Variants in RERE observed in about 807,000 individuals in gnomAD.
RERE encodes the protein arginine-glutamic acid dipeptide repeats protein.
In RERE, 40 loss-of-function variants were observed where a neutral mutation model predicts 146.1. The observed-to-expected ratio is 0.27, with a 90% CI of 0.21 to 0.36. The LOEUF (loss-of-function observed/expected upper bound fraction) is 0.36, where lower values mean the gene tolerates loss of function less well. Ranked by LOEUF, RERE falls within the 10% of genes least tolerant of loss-of-function variation. The pLI is 1.00. For missense variants in RERE, 1,933 were observed against 2,138.7 expected (o/e 0.90, Z 1.90); for synonymous variants, 1,003 against 866.0 (o/e 1.16, Z -2.78).
intron 1 of RERE, among the ~76,000 whole-genome samples, chr1:8,777,165 A>G (rs1288832865): frequency 6.6e-6 from 1 of 152,226 alleles, no homozygotes; most frequent in Non-Finnish European, 1.5e-5. Flanking sequence ...GAAAGTTATC[A>G]ATATTTTATC....
intron 3 of RERE, among the ~76,000 whole-genome samples, chr1:8,621,963 A>C (rs1296164447): frequency 6.6e-6 from 1 of 152,262 alleles, no homozygotes. Flanking sequence ...CTTACACAAC[A>C]ACTATGAGGA....
chr1:8,716,557 C>A (rs577037730), intron 1 of RERE, among the ~76,000 whole-genome samples: 1 of 151,946 alleles, frequency 6.6e-6, no homozygotes, highest in Non-Finnish European at 1.5e-5. Context: ...AAAGTTCAAA[C>A]AGTTTGCCTC....
chr1:8,608,978 G>A (rs1646756869), intron 4 of RERE, among the ~76,000 whole-genome samples: 1 of 152,088 alleles, frequency 6.6e-6, no homozygotes, highest in Non-Finnish European at 1.5e-5. Flanking sequence ...CAGCACTTTG[G>A]GAGGCCGAGG....
intron 1 of RERE, among the ~76,000 whole-genome samples, chr1:8,791,353 GT>G (rs1288924588): frequency 1.3e-5 from 2 of 152,134 alleles, no homozygotes; most frequent in Non-Finnish European, 2.9e-5. Context: ...TTTTAGTGGG[GT>G]TTTTTTCATA....
At chr1:8,737,569 G>C (rs1640225874) in intron 1 of RERE, among the ~76,000 whole-genome samples, 1 of 151,458 alleles carries the variant, frequency 6.6e-6, no homozygotes, top group African/African-American at 2.4e-5. Flanking sequence ...CTCTATCAAT[G>C]TTCAGGAAGC....
chr1:8,613,282 C>G (rs1269270908), intron 4 of RERE, among the ~76,000 whole-genome samples: 3 of 152,222 alleles, frequency 2.0e-5, no homozygotes, highest in African/African-American at 7.2e-5. Flanking sequence ...TGAAGATCCT[C>G]TATAATCTAG....
At chr1:8,686,628 T>C (rs1570608117) in intron 1 of RERE, among the ~76,000 whole-genome samples, 1 of 152,106 alleles carries the variant, frequency 6.6e-6, no homozygotes, top group South Asian at 2.1e-4. Context: ...TGGGTGCCTG[T>C]AATCTCAGCT....
intron 1 of RERE, among the ~76,000 whole-genome samples, chr1:8,815,879 G>T (rs1409132647): frequency 6.6e-6 from 1 of 151,166 alleles, no homozygotes; most frequent in African/African-American, 2.4e-5. Flanking sequence ...GTGTCTGTCT[G>T]CCTCTGCCTC....
chr1:8,796,951 G>A (rs536278020), intron 1 of RERE, among the ~76,000 whole-genome samples: 1 of 152,060 alleles, frequency 6.6e-6, no homozygotes, highest in Non-Finnish European at 1.5e-5. Flanking sequence ...TACAGATGAG[G>A]GTCACAGACT....
At position 8,607,530 on chromosome 1, in the gene RERE, A is replaced by ATATATTTTTTTTTTT. The variant is rs1646732034; in HGVS notation, c.522+7030_522+7031insAAAAAAAAAAATATA. 3.5e-5 allele frequency among the ~76,000 whole-genome samples: 2 copies of ATATATTTTTTTTTTT among 57,582 alleles called. 1 individual carries two copies. Among genetic ancestry groups the ATATATTTTTTTTTTT allele is most frequent in the East Asian group, 1.9e-3 (2 of 1,044 alleles). The allele number at this position is 57,582 out of a possible 152,430, so 37.8% of individuals were successfully genotyped here. On this transcript the variant is annotated intron_variant, in intron 4 of 22. Transcript: ENST00000400908. ...GCCCCGCATATTTGTTTTTATATAT[A>ATATATTTTTTTTTTT]TTTCTTTTTTTTTTTTTTTTTTTTT...
chr1:8,500,499 C>G (rs1203512275), intron 8 of RERE, among the ~76,000 whole-genome samples: 4 of 152,190 alleles, frequency 2.6e-5, no homozygotes, highest in Non-Finnish European at 5.9e-5. Flanking sequence ...GACGGAGTCT[C>G]GTTCACTCAG....
chr1:8,720,444 A>G (rs1430832929), intron 1 of RERE, among the ~76,000 whole-genome samples: 1 of 152,182 alleles, frequency 6.6e-6, no homozygotes, highest in Non-Finnish European at 1.5e-5. Context: ...TAAGAAAAAA[A>G]AGTAGAGCAA....
At chr1:8,700,619 T>C (rs1446044451) in intron 1 of RERE, among the ~76,000 whole-genome samples, 3 of 152,190 alleles carry the variant, frequency 2.0e-5, no homozygotes, top group Admixed American at 2.0e-4. Flanking sequence ...GCTCAAGTCC[T>C]TTTGTACAAT....
intron 6 of RERE, among the ~76,000 whole-genome samples, chr1:8,546,469 T>C (rs1645864152): frequency 6.6e-6 from 1 of 152,094 alleles, no homozygotes. Context: ...TTTTTTTCTG[T>C]GATCTAATAT....
At chr1:8,578,566 A>C (rs964289531) in intron 4 of RERE, among the ~76,000 whole-genome samples, 2 of 152,138 alleles carry the variant, frequency 1.3e-5, no homozygotes, top group Non-Finnish European at 2.9e-5. Context: ...TTTATATTAT[A>C]TAGTTCACTT....
intron 12 of RERE, among the ~76,000 whole-genome samples, chr1:8,382,682 C>T (rs975984833): frequency 3.9e-5 from 6 of 152,208 alleles, no homozygotes; most frequent in African/African-American, 1.2e-4. Flanking sequence ...CTCAGAACTC[C>T]GAGTGAGAAC....
intron 12 of RERE, 49 bp from the exon 13 acceptor site, chr1:8,366,023 T>A (rs771536716): frequency 1.0e-5 from 16 of 1,576,730 alleles, no homozygotes; most frequent in Middle Eastern, 2.2e-4. Context: ...GGCTTTTCCG[T>A]GCCCCACGCA....
intron 12 of RERE, among the ~76,000 whole-genome samples, chr1:8,413,552 T>A (rs1418150896): frequency 6.6e-6 from 1 of 151,010 alleles, no homozygotes; most frequent in Non-Finnish European, 1.5e-5. Flanking sequence ...CCATGTTGCC[T>A]AGGCTAGACT....
At chr1:8,782,833 G>T (rs1013372457) in intron 1 of RERE, among the ~76,000 whole-genome samples, 5 of 152,160 alleles carry the variant, frequency 3.3e-5, no homozygotes, top group Non-Finnish European at 7.3e-5. Context: ...TTGAACCCGG[G>T]AGGTGGAGGG....
Sources: allele counts gnomAD v4.1 joint callset (sites outside exome capture counted in the v4.1 genomes callset), GRCh38; gene constraint gnomAD v4.1.1; transcripts MANE v1.5; gene names NCBI Gene and HGNC (gene_info 2026-07-23, HGNC 2026-07-21).